ABAT: variants seen among roughly 807,000 people sequenced by gnomAD.
ABAT encodes 4-aminobutyrate aminotransferase.
In ABAT, 45 loss-of-function variants were observed where a neutral mutation model predicts 64.6. The observed-to-expected ratio is 0.70, with a 90% CI of 0.55 to 0.89. The LOEUF (loss-of-function observed/expected upper bound fraction) is 0.89, where lower values mean the gene tolerates loss of function less well. Among genes scored for constraint, ABAT ranks in the 40% least tolerant of loss-of-function variants. ABAT has a pLI of 0.00. For missense variants in ABAT, 633 were observed against 658.4 expected (o/e 0.96, Z 0.42); for synonymous variants, 297 against 250.5 (o/e 1.19, Z -1.75).
chr16:8,745,888 T>A, intron 2 of ABAT, 113 bp from the exon 3 acceptor site: 1 of 987,604 alleles, frequency 1.0e-6, no homozygotes, highest in South Asian at 1.3e-5. Flanking sequence ...CTGGCTGGGA[T>A]GAGGCTAAGG....
chr16:8,744,450 C>T (rs140660514), intron 2 of ABAT, among the ~76,000 whole-genome samples: 224 of 152,072 alleles, frequency 1.5e-3, no homozygotes, highest in African/African-American at 5.2e-3. Context: ...TCACTGCAGC[C>T]TCTGCCTCCT....
intron 6 of ABAT, among the ~76,000 whole-genome samples, chr16:8,759,310 T>C (rs192798329): frequency 3.9e-5 from 6 of 152,132 alleles, no homozygotes; most frequent in African/African-American, 1.4e-4. Context: ...ATACAGTACA[T>C]ATGGAGTGTA....
intron 12 of ABAT, among the ~76,000 whole-genome samples, chr16:8,773,443 C>A (rs1008042014): frequency 3.3e-5 from 5 of 150,366 alleles, no homozygotes; most frequent in African/African-American, 1.2e-4. Context: ...TGAGCCACCA[C>A]ACTTGGCCTT....
intron 1 of ABAT, among the ~76,000 whole-genome samples, chr16:8,718,320 T>C (rs988554406): frequency 6.6e-6 from 1 of 152,178 alleles, no homozygotes; most frequent in Admixed American, 6.5e-5. Context: ...AAAGTACAGA[T>C]ATAAAATACA....
At chr16:8,722,801 G>A (rs561817582) in intron 1 of ABAT, 1 of 1,289,036 alleles carries the variant, frequency 7.8e-7, no homozygotes, top group African/African-American at 1.5e-5. Flanking sequence ...ATTGCAAAGG[G>A]CCTGGTAGAA....
chr16:8,728,323 G>C (rs2058618054), intron 1 of ABAT, among the ~76,000 whole-genome samples: 1 of 152,204 alleles, frequency 6.6e-6, no homozygotes, highest in African/African-American at 2.4e-5. Context: ...GTGACATTTT[G>C]TAATTGAAAA....
rs190149980 is a variant in ABAT, at chr16:8,733,604, C to T, written c.-41-2095C>T. On this transcript the variant is annotated intron_variant, in intron 1 of 15. Coordinates refer to ENST00000268251, the MANE Select transcript of ABAT (RefSeq NM_020686.6). ...CGGCACCTCGGGAGGCCGAGGCTGG[C>T]GGATCACTTGCGGTTAGGGGCTGGA... Among the ~76,000 whole-genome samples, 12 of 152,030 alleles carry T rather than the reference C, an allele frequency of 7.9e-5. 1 individual carries two copies. Among genetic ancestry groups the T allele is most frequent in the African/African-American group, 2.9e-4 (12 of 41,262 alleles).
Position 8,781,118 on chromosome 16 carries a change from GGA to G in ABAT, c.1382-184_1382-183del. ...AGAATGATGGAGGAGATGAATGAGG[GGA>G]GAGAGAAAGGAAATGAAGACTGGAT... On this transcript the variant is annotated intron_variant, in intron 15 of 15. Transcript: ENST00000268251. The surrounding 1 kb of genome is among the most constrained non-coding windows in gnomAD (Gnocchi z 4.5). 1.3e-5 allele frequency: 11 copies of G among 819,850 alleles called. No individual in the cohort carries two copies. The South Asian group carries it at 1.5e-4, about 11-fold the overall frequency. The allele number at this position is 819,850 out of a possible 1,614,324, so 50.8% of individuals were successfully genotyped here.
intron 6 of ABAT, among the ~76,000 whole-genome samples, chr16:8,761,967 T>C (rs1310085130): frequency 1.4e-5 from 2 of 145,476 alleles, no homozygotes; most frequent in African/African-American, 2.4e-5. Context: ...TTCTTCTTTC[T>C]TCCTTCTTCT....
At chr16:8,756,697 T>A (rs529168285) in intron 5 of ABAT, among the ~76,000 whole-genome samples, 3 of 152,322 alleles carry the variant, frequency 2.0e-5, no homozygotes, top group Admixed American at 1.3e-4. Flanking sequence ...CACAAATAAA[T>A]CTCTCTCACC....
At chr16:8,684,406 C>G (rs551249538) in intron 1 of ABAT, among the ~76,000 whole-genome samples, 2 of 152,148 alleles carry the variant, frequency 1.3e-5, no homozygotes, top group Admixed American at 1.3e-4. Flanking sequence ...AACCCCGCCT[C>G]TACAAAAAAT....
intron 2 of ABAT, chr16:8,738,408 A>G (rs1187495632): frequency 2.2e-6 from 1 of 455,672 alleles, no homozygotes; most frequent in Admixed American, 2.4e-5. Context: ...TTTGGCTTTC[A>G]CTCATTTTTC....
chr16:8,764,448 G>A lies in ABAT; in HGVS notation c.448-290G>A, dbSNP rs914405060. On this transcript the variant is annotated intron_variant, in intron 7 of 15. Coordinates refer to ENST00000268251, the MANE Select transcript of ABAT (RefSeq NM_020686.6). This position sits in a 1 kb window ranked among gnomAD's most constrained non-coding sequence, Gnocchi z 4.2. ...TACTACAAACGATTAAAGCCATTGGGAGCCTCAACGTCCCGCCTGGAACGT... is the reference window on the plus strand; with the variant it reads ...TACTACAAACGATTAAAGCCATTGGAAGCCTCAACGTCCCGCCTGGAACGT... Among the ~76,000 whole-genome samples, 7 of 152,202 alleles carry A rather than the reference G, an allele frequency of 4.6e-5. No homozygotes were observed. Among genetic ancestry groups the A allele is most frequent in the African/African-American group, 1.2e-4 (5 of 41,450 alleles).
chr16:8,757,648 T>C, intron 5 of ABAT, 109 bp from the exon 6 acceptor site: 1 of 1,268,534 alleles, frequency 7.9e-7, no homozygotes, highest in South Asian at 1.2e-5. Context: ...CTTTGGTTTT[T>C]AAAGAGAGTT....
chr16:8,756,384 TTTA>T (rs1425401509), intron 5 of ABAT, among the ~76,000 whole-genome samples: 1 of 152,224 alleles, frequency 6.6e-6, no homozygotes, highest in Non-Finnish European at 1.5e-5. Context: ...GTCAAACATT[TTTA>T]TTTTAATTTT....
At chr16:8,750,906 G>A (rs1048081415) in intron 5 of ABAT, among the ~76,000 whole-genome samples, 26 of 150,782 alleles carry the variant, frequency 1.7e-4, no homozygotes, top group Non-Finnish European at 3.2e-4. Flanking sequence ...GAGTTTCCTC[G>A]AAGAAGAGCC....
At chr16:8,778,284 T>A (rs1017996501) in intron 14 of ABAT, among the ~76,000 whole-genome samples, 1 of 152,160 alleles carries the variant, frequency 6.6e-6, no homozygotes, top group Non-Finnish European at 1.5e-5. Context: ...GGGTCTGAAA[T>A]CAAGGTTTCA....
At chr16:8,737,922 A>G (rs1484826562) in intron 2 of ABAT, among the ~76,000 whole-genome samples, 1 of 116,532 alleles carries the variant, frequency 8.6e-6, no homozygotes, top group African/African-American at 3.3e-5. Flanking sequence ...ACTGAGATTA[A>G]AAAAAAAAAA....
intron 1 of ABAT, among the ~76,000 whole-genome samples, chr16:8,719,045 G>A (rs776151343): frequency 2.6e-5 from 4 of 152,254 alleles, no homozygotes; most frequent in South Asian, 2.1e-4. Context: ...TTCTCTGAAC[G>A]GGAAGTGCGT....
Sources: gnomAD v4.1 joint callset for allele counts (sites outside exome capture counted in the v4.1 genomes callset) on GRCh38, gnomAD v4.1.1 for gene constraint, Gnocchi (gnomAD v3.1) non-coding constraint, MANE v1.5 for transcripts, NCBI Gene and HGNC (gene_info 2026-07-23, HGNC 2026-07-21) for gene names.